The following APBA2 variants were observed in gnomAD, a reference collection of about 807,000 sequenced individuals.
APBA2 encodes the protein amyloid beta precursor protein binding family A member 2, also known as amyloid-beta A4 precursor protein-binding family A member 2.
In APBA2, 30 loss-of-function variants were observed where a neutral mutation model predicts 75.0. That is an observed-to-expected ratio of 0.40 (90% CI 0.30 to 0.54). APBA2 has a LOEUF of 0.54. Among genes scored for constraint, APBA2 ranks in the 20% least tolerant of loss-of-function variants. APBA2 has a pLI of 0.49. For missense variants in APBA2, 801 were observed against 1,016.1 expected (o/e 0.79, Z 2.88); for synonymous variants, 444 against 409.6 (o/e 1.08, Z -1.01).
intron 6 of APBA2, among the ~76,000 whole-genome samples, chr15:29,088,353 A>G (rs1273826657): frequency 6.6e-6 from 1 of 152,016 alleles, no homozygotes; most frequent in Non-Finnish European, 1.5e-5. Context: ...CTGTTTTTCT[A>G]ACCGGGACTC....
intron 1 of APBA2, among the ~76,000 whole-genome samples, chr15:28,919,971 C>T (rs927022355): frequency 6.6e-6 from 1 of 152,204 alleles, no homozygotes; most frequent in African/African-American, 2.4e-5. Context: ...GCTCCCTCCT[C>T]ACCCAGCAGA....
chr15:28,891,429 C>T (rs754737548), intron 1 of APBA2, among the ~76,000 whole-genome samples: 5 of 152,114 alleles, frequency 3.3e-5, no homozygotes, highest in East Asian at 1.9e-4. Flanking sequence ...GACTAGGACT[C>T]GTGACCACTG....
chr15:29,033,042 C>T (rs759109288), intron 3 of APBA2, among the ~76,000 whole-genome samples: 9 of 152,182 alleles, frequency 5.9e-5, no homozygotes, highest in Non-Finnish European at 1.3e-4. Context: ...CCATCCTTAT[C>T]CAAGCTGCAT....
At chr15:29,031,439 G>A (rs1171067815) in intron 3 of APBA2, among the ~76,000 whole-genome samples, 1 of 152,096 alleles carries the variant, frequency 6.6e-6, no homozygotes, top group Non-Finnish European at 1.5e-5. Flanking sequence ...TGTGCCTGTT[G>A]TGTGCCCCTG....
At position 29,053,976 on chromosome 15, in the gene APBA2, G is replaced by A. The variant is rs778348823; in HGVS notation, c.92G>A (p.Ser31Asn). The A allele has an allele frequency of 1.1e-5, 17 of 1,613,940 alleles. No homozygotes were observed. Among genetic ancestry groups the A allele is most frequent in the Non-Finnish European group, 1.4e-5 (16 of 1,180,012 alleles). The change falls in exon 4 of 15, where the codon AGC (serine) becomes AAC (asparagine). Residue 31 changes from serine to asparagine, a missense_variant. By Grantham distance (46) the Ser-to-Asn change is conservative. This residue lies in a region of APBA2 where 434 missense variants were observed against 471.6 expected (regional missense o/e 0.92). Transcript: ENST00000683413. ...GPVPHSQEPE[S>N]EDMELPLEGY... ...GTCCCTCACAGCCAGGAGCCCGAGA[G>A]CGAGGACATGGAGCTGCCCTTGGAG...
intron 13 of APBA2, among the ~76,000 whole-genome samples, chr15:29,112,882 G>A (rs2044813031): frequency 6.6e-6 from 1 of 151,974 alleles, no homozygotes; most frequent in Admixed American, 6.6e-5. Context: ...AGCCCCTGGC[G>A]GCCCCCCACT....
chr15:28,892,193 G>C (rs2032175318), intron 1 of APBA2, among the ~76,000 whole-genome samples: 1 of 152,204 alleles, frequency 6.6e-6, no homozygotes, highest in African/African-American at 2.4e-5. Context: ...TCCTGCCTCA[G>C]CCTACCGAGT....
chr15:29,116,729 C>A (rs1313792968), intron 14 of APBA2, among the ~76,000 whole-genome samples: 9 of 152,184 alleles, frequency 5.9e-5, no homozygotes, highest in Non-Finnish European at 1.0e-4. Flanking sequence ...GGCCTGGCCA[C>A]CCCCAGCCAG....
chr15:28,972,940 A>G (rs1461538707), intron 2 of APBA2, among the ~76,000 whole-genome samples: 1 of 152,240 alleles, frequency 6.6e-6, no homozygotes, highest in Non-Finnish European at 1.5e-5. Context: ...TTTTAATGCT[A>G]TGTGTAAACC....
intron 1 of APBA2, among the ~76,000 whole-genome samples, chr15:28,891,452 A>C (rs2032125773): frequency 6.6e-6 from 1 of 152,190 alleles, no homozygotes; most frequent in Non-Finnish European, 1.5e-5. Flanking sequence ...GGGCAAGTAC[A>C]GAGGCTAATT....
chr15:29,070,923 A>C (rs1477653100), intron 4 of APBA2: 4 of 365,916 alleles, frequency 1.1e-5, no homozygotes, highest in African/African-American at 8.5e-5. Flanking sequence ...TCGTCCGCCC[A>C]GGACTTCTCT....
intron 2 of APBA2, among the ~76,000 whole-genome samples, chr15:28,993,930 G>T (rs902267): frequency 6.6e-6 from 1 of 152,220 alleles, no homozygotes; most frequent in Non-Finnish European, 1.5e-5. Flanking sequence ...GCCTGGAGAG[G>T]ACAGGGGCTG....
At chr15:29,029,893 G>T (rs1053201255) in intron 3 of APBA2, among the ~76,000 whole-genome samples, 2 of 152,162 alleles carry the variant, frequency 1.3e-5, no homozygotes, top group Non-Finnish European at 2.9e-5. Flanking sequence ...GCACCAGCAC[G>T]TCCAGAGGTG....
chr15:29,073,015 G>A (rs2042692152), intron 4 of APBA2, among the ~76,000 whole-genome samples: 1 of 152,208 alleles, frequency 6.6e-6, no homozygotes, highest in Non-Finnish European at 1.5e-5. Context: ...CTGAAATCCG[G>A]TGGTGTCTGT....
intron 2 of APBA2, chr15:28,961,310 G>A (rs1490910628): frequency 3.9e-5 from 6 of 152,336 alleles, no homozygotes; most frequent in African/African-American, 9.6e-5. Context: ...GAAAGCAGAT[G>A]AGGGCCTGCT....
intron 2 of APBA2, among the ~76,000 whole-genome samples, chr15:28,985,212 G>A (rs2037855556): frequency 6.6e-6 from 1 of 152,194 alleles, no homozygotes; most frequent in South Asian, 2.1e-4. Context: ...GGCTGAGCAC[G>A]GCTGCTGTGC....
At chr15:28,976,690 T>C (rs756873920) in intron 2 of APBA2, among the ~76,000 whole-genome samples, 1 of 152,246 alleles carries the variant, frequency 6.6e-6, no homozygotes, top group African/African-American at 2.4e-5. Context: ...CATCATGATA[T>C]GTCTCTTAAA....
intron 1 of APBA2, among the ~76,000 whole-genome samples, chr15:28,907,223 A>G (rs2152642170): frequency 6.6e-6 from 1 of 152,186 alleles, no homozygotes; most frequent in East Asian, 1.9e-4. Flanking sequence ...TTTCCAGCCT[A>G]ATTTCCTAGT....
At chr15:28,965,374 A>G (rs866230955) in intron 2 of APBA2, among the ~76,000 whole-genome samples, 93 of 152,050 alleles carry the variant, frequency 6.1e-4, no homozygotes, top group African/African-American at 2.2e-3. Context: ...CTTGATTACT[A>G]TATCTCTGTA....
Sources: gnomAD v4.1 joint callset for allele counts (sites outside exome capture counted in the v4.1 genomes callset) on GRCh38, gnomAD v4.1.1 for gene constraint, gnomAD v4.1.1 regional missense constraint, MANE v1.5 for transcripts, NCBI Gene and HGNC (gene_info 2026-07-23, HGNC 2026-07-21) for gene names.